The following FER1L6 variants were observed in gnomAD, a reference collection of about 807,000 sequenced individuals.
FER1L6 encodes fer-1 like family member 6.
A neutral mutation model predicts 219.2 loss-of-function variants in FER1L6; 177 were observed. The observed-to-expected ratio is 0.81, with a 90% CI of 0.71 to 0.91. The LOEUF (loss-of-function observed/expected upper bound fraction) is 0.91, where lower values mean the gene tolerates loss of function less well. Ranked by LOEUF, FER1L6 falls within the 40% of genes least tolerant of loss-of-function variation. The pLI, the probability that FER1L6 is intolerant of heterozygous loss-of-function variation, is 0.00. For synonymous variants in FER1L6, 768 were observed against 824.3 expected, an observed-to-expected ratio of 0.93 and a Z score of 1.17; for missense variants, 2,153 against 2,259.9, an observed-to-expected ratio of 0.95 and a Z score of 0.96.
Position 123,976,062 on chromosome 8 carries a change from A to G in FER1L6, c.848A>G (p.Glu283Gly). 1.2e-6 allele frequency: 2 copies of G among 1,613,090 alleles called. No homozygotes were observed. The highest frequency in any genetic ancestry group is 1.7e-6 in the Non-Finnish European group (2 of 1,179,606). The change falls in exon 9 of 41, where the codon GAG becomes GGG. Residue 283 changes from glutamate to glycine, a missense_variant. Glu to Gly is a moderately conservative substitution (Grantham distance 98). Coordinates refer to ENST00000522917, the MANE Select transcript of FER1L6 (RefSeq NM_001039112.2). ...DSKDLVDPFV[E>G]VSFAGQMGRT... Reference sequence around the variant, plus strand: ...AAGGACCTGGTGGATCCCTTTGTGGAGGTCTCCTTTGCTGGGCAGATGGTG... The same window carrying G: ...AAGGACCTGGTGGATCCCTTTGTGGGGGTCTCCTTTGCTGGGCAGATGGTG...
At chr8:123,939,717 T>G (rs1814155153) in intron 1 of FER1L6, among the ~76,000 whole-genome samples, 2 of 152,146 alleles carry the variant, frequency 1.3e-5, no homozygotes, top group Admixed American at 1.3e-4. Context: ...TGTGATGCAG[T>G]GACCGGCAGG....
chr8:123,908,395 A>G (rs1336299761), intron 1 of FER1L6, among the ~76,000 whole-genome samples: 1 of 152,128 alleles, frequency 6.6e-6, no homozygotes, highest in Non-Finnish European at 1.5e-5. Flanking sequence ...TGCTCTTGCT[A>G]CTCTTTGGAA....
At chr8:123,854,958 C>T (rs1028031723) in intron 1 of FER1L6, among the ~76,000 whole-genome samples, 2 of 152,192 alleles carry the variant, frequency 1.3e-5, no homozygotes, top group Non-Finnish European at 2.9e-5. Flanking sequence ...CCGCAGCATT[C>T]GGTACATTCA....
At chr8:124,061,328 A>G (rs540071861) in intron 24 of FER1L6, among the ~76,000 whole-genome samples, 18 of 152,214 alleles carry the variant, frequency 1.2e-4, no homozygotes, top group Admixed American at 2.6e-4. Context: ...TGCCCAACCC[A>G]GCCTGCTCCA....
intron 9 of FER1L6, 70 bp from the exon 10 acceptor site, chr8:123,977,347 C>G: frequency 2.1e-6 from 3 of 1,445,026 alleles, no homozygotes; most frequent in Non-Finnish European, 2.8e-6. Context: ...ATACTTCCAG[C>G]TGGCTTGAAG....
intron 13 of FER1L6, among the ~76,000 whole-genome samples, chr8:124,009,910 G>A (rs1182349512): frequency 4.9e-5 from 7 of 144,094 alleles, no homozygotes; most frequent in East Asian, 2.4e-4. Context: ...AACCCGGGCA[G>A]GAGAAGTCTT....
intron 1 of FER1L6, among the ~76,000 whole-genome samples, chr8:123,906,298 A>G (rs569847435): frequency 2.4e-4 from 36 of 152,176 alleles, no homozygotes; most frequent in Non-Finnish European, 4.6e-4. Context: ...AGTAAGAAGT[A>G]TCTAGTGTTT....
rs539369799 is a variant in FER1L6 at position 123,950,970 on chromosome 8, T to C, written c.-7-5022T>C. Among the ~76,000 whole-genome samples, 13 of 152,316 alleles carry C rather than the reference T, an allele frequency of 8.5e-5. No homozygotes were observed. In the East Asian group the frequency reaches 2.5e-3, roughly 29 times the overall value. ...GGTAGCCAATTTTGTGGGCTAATTG[T>C]AGGGGTTGAGGTTGAGTGGAAAGGA... On this transcript the variant is annotated intron_variant, in intron 1 of 40. Transcript: ENST00000522917.
intron 1 of FER1L6, among the ~76,000 whole-genome samples, chr8:123,891,268 C>G (rs1427376095): frequency 2.6e-5 from 4 of 152,156 alleles, no homozygotes; most frequent in Non-Finnish European, 5.9e-5. Context: ...AGAAACCAAT[C>G]TTGGAAATGT....
chr8:124,063,386 G>A (rs1386670508), intron 25 of FER1L6, among the ~76,000 whole-genome samples: 2 of 152,122 alleles, frequency 1.3e-5, no homozygotes, highest in African/African-American at 4.8e-5. Context: ...TGGTCACAAA[G>A]ATATTATCTT....
In FER1L6 at chr8:124,111,930, G is replaced by A. The variant is rs1040609283; in HGVS notation, c.5290-6914G>A. ...ATTGTACCCAGCTCCTATTCAAGAT[G>A]GAGTTGCTCTGGTTCAAATGCCTCT... On this transcript the variant is annotated intron_variant, in intron 39 of 40. Transcript: ENST00000522917. This position sits in a 1 kb window ranked among gnomAD's most constrained non-coding sequence, Gnocchi z 5.0. Among the ~76,000 whole-genome samples, 1 of 151,200 alleles carries A rather than the reference G, an allele frequency of 6.6e-6. No individual in the cohort carries two copies. The highest frequency in any genetic ancestry group is 1.5e-5 in the Non-Finnish European group (1 of 67,732).
At chr8:123,922,972 GCC>G (rs5894679) in intron 1 of FER1L6, among the ~76,000 whole-genome samples, 17 of 150,948 alleles carry the variant, frequency 1.1e-4, no homozygotes, top group Admixed American at 7.3e-4. Flanking sequence ...GATTTATACA[GCC>G]CCCCCCCAGA....
intron 2 of FER1L6, among the ~76,000 whole-genome samples, chr8:123,958,565 T>A (rs1287881223): frequency 6.6e-6 from 1 of 152,102 alleles, no homozygotes. Flanking sequence ...GATGGCAAGA[T>A]CTTTTGTGGT....
chr8:123,942,255 C>T (rs141212559), intron 1 of FER1L6, among the ~76,000 whole-genome samples: 274 of 152,306 alleles, frequency 1.8e-3, no homozygotes, highest in African/African-American at 6.4e-3. Context: ...ACTTTAGAGG[C>T]TCCTACACCA....
rs556232905 is a variant in FER1L6, at chr8:124,004,449, C to T, written c.1700+1102C>T. The stretch of plus-strand genomic sequence containing the variant: ...CCTGACACAGCTACATCTCTACGCT[C>T]CTCAGTCCCTCTGCTCTTTTCAATC... On this transcript the variant is annotated intron_variant, in intron 13 of 40. Coordinates refer to ENST00000522917, the MANE Select transcript of FER1L6 (RefSeq NM_001039112.2). Among the ~76,000 whole-genome samples the T allele has an allele frequency of 2.1e-4, 32 of 152,250 alleles. 2 individuals are homozygous for T. The South Asian group carries it at 6.2e-3, about 30-fold the overall frequency.
chr8:123,949,088 A>G (rs912048706), intron 1 of FER1L6, among the ~76,000 whole-genome samples: 4 of 152,180 alleles, frequency 2.6e-5, no homozygotes, highest in Admixed American at 6.5e-5. Context: ...ATCATTGCTC[A>G]TCTCAGGAAA....
chr8:124,103,192 T>G lies in FER1L6; in HGVS notation c.5172T>G (p.Ser1724=). ...ACAGTTTCCCTCGAGCAGCTAAGTC[T>G]GCCAAAGCCTGTGATCTTGCCAAGT... ...NLNSFPRAAK[S]AKACDLAKFE... Residue 1724 remains serine, a synonymous_variant, in exon 39 of 41, where the codon TCT becomes TCG. Coordinates refer to ENST00000522917, the MANE Select transcript of FER1L6 (RefSeq NM_001039112.2). 6.2e-7 allele frequency: 1 copy of G among 1,614,132 alleles called. No individual in the cohort carries two copies.
At chr8:124,039,669 G>A (rs1289060433) in intron 19 of FER1L6, among the ~76,000 whole-genome samples, 1 of 152,168 alleles carries the variant, frequency 6.6e-6, no homozygotes, top group African/African-American at 2.4e-5. Flanking sequence ...AAAGCACCAA[G>A]GAAGATGGCT....
At chr8:123,898,714 C>T (rs572163479) in intron 1 of FER1L6, among the ~76,000 whole-genome samples, 23 of 137,658 alleles carry the variant, frequency 1.7e-4, no homozygotes, top group South Asian at 1.3e-3. Flanking sequence ...TACGTATATA[C>T]GTATATGTGT....
Sources: allele counts gnomAD v4.1 joint callset (sites outside exome capture counted in the v4.1 genomes callset), GRCh38; gene constraint gnomAD v4.1.1; non-coding constraint Gnocchi (gnomAD v3.1); transcripts MANE v1.5; gene names NCBI Gene and HGNC (gene_info 2026-07-23, HGNC 2026-07-21).